Variants in CSMD2 observed in about 807,000 individuals in gnomAD.
CSMD2 encodes CUB and Sushi multiple domains 2, also known as CUB and sushi domain-containing protein 2.
A neutral mutation model predicts 398.5 loss-of-function variants in CSMD2; 130 were observed. The observed-to-expected ratio is 0.33, with a 90% CI of 0.28 to 0.38. CSMD2 has a LOEUF of 0.38. Ranked by LOEUF, CSMD2 falls within the 10% of genes least tolerant of loss-of-function variation. The probability of loss-of-function intolerance (pLI) is 1.00; values close to 1 mark genes in which losing one functional copy is unlikely to be tolerated. For missense variants in CSMD2, 3,829 were observed against 4,764.9 expected (o/e 0.80, Z 5.78); for synonymous variants, 1,828 against 1,908.5 (o/e 0.96, Z 1.10).
intron 53 of CSMD2, among the ~76,000 whole-genome samples, chr1:33,562,733 A>C (rs1227433950): frequency 6.6e-6 from 1 of 152,202 alleles, no homozygotes; most frequent in Non-Finnish European, 1.5e-5. Flanking sequence ...AGTGAAATAG[A>C]TTATGAGGCC....
At chr1:34,031,011 G>A (rs1297545657) in intron 3 of CSMD2, among the ~76,000 whole-genome samples, 1 of 152,130 alleles carries the variant, frequency 6.6e-6, no homozygotes, top group Non-Finnish European at 1.5e-5. Flanking sequence ...CAAACTTGGA[G>A]AGAATTACTT....
At chr1:33,669,852 T>G (rs1192951440) in intron 25 of CSMD2, among the ~76,000 whole-genome samples, 2 of 152,108 alleles carry the variant, frequency 1.3e-5, no homozygotes, top group Non-Finnish European at 2.9e-5. Flanking sequence ...GGAGACCATG[T>G]GATGGAGGCA....
intron 57 of CSMD2, among the ~76,000 whole-genome samples, chr1:33,544,280 T>A (rs1432452564): frequency 6.6e-6 from 1 of 150,720 alleles, no homozygotes; most frequent in Non-Finnish European, 1.5e-5. Flanking sequence ...CTAATTTTTT[T>A]TTTTTTTTTT....
rs1414792580 is a variant in CSMD2 at position 33,663,080 on chromosome 1, C to T, written c.4065G>A (p.Leu1355=). ...EAGCTIGLHF[L]VFDTEEVHDV... ...CGTGAACCTCCTCTGTGTCAAACAC[C>T]AGGAAGTGTAGCCTGCACGGAGAGA... Residue 1355 remains leucine (L), a synonymous_variant, in exon 26 of 71, where the codon CTG becomes CTA. Transcript: ENST00000373381. 3 of 1,613,960 alleles carry T rather than the reference C, an allele frequency of 1.9e-6. No individual in the cohort carries two copies. Among genetic ancestry groups the T allele is most frequent in the African/African-American group, 1.3e-5 (1 of 75,028 alleles).
rs201761742 is a variant in CSMD2, at chr1:34,094,408, C to A, written c.188-5215G>T. On this transcript the variant is annotated intron_variant, in intron 1 of 70. Transcript: ENST00000373381. ...GACAGGATCAAATTCACACATAACA[C>A]TATTAACTTTAAATGTAAATGGACT... Among the ~76,000 whole-genome samples, 736 of 151,514 alleles carry A rather than the reference C, an allele frequency of 4.9e-3. 2 individuals carry two copies. The highest frequency in any genetic ancestry group is 0.044 in the East Asian group (224 of 5,066).
chr1:34,145,277 C>T (rs986175750), intron 1 of CSMD2, among the ~76,000 whole-genome samples: 1 of 152,180 alleles, frequency 6.6e-6, no homozygotes, highest in African/African-American at 2.4e-5. Context: ...CAACTCAGAC[C>T]ACATATGGGG....
At chr1:34,103,419 C>G (rs1660200202) in intron 1 of CSMD2, among the ~76,000 whole-genome samples, 1 of 151,698 alleles carries the variant, frequency 6.6e-6, no homozygotes, top group African/African-American at 2.4e-5. Context: ...CTGCCTCAGC[C>G]TCCTGAGTAG....
chr1:34,142,612 G>T (rs1284777770), intron 1 of CSMD2, among the ~76,000 whole-genome samples: 1 of 152,226 alleles, frequency 6.6e-6, no homozygotes, highest in African/African-American at 2.4e-5. Context: ...GCATGAAATT[G>T]TATCAGGAAT....
chr1:33,595,558 C>T (rs538534997), intron 44 of CSMD2, among the ~76,000 whole-genome samples: 25 of 152,218 alleles, frequency 1.6e-4, no homozygotes, highest in Non-Finnish European at 2.5e-4. Flanking sequence ...TTAATGTCTG[C>T]GTGGATATAC....
At chr1:33,609,643 T>A (rs1640864822) in intron 41 of CSMD2, among the ~76,000 whole-genome samples, 1 of 152,184 alleles carries the variant, frequency 6.6e-6, no homozygotes, top group African/African-American at 2.4e-5. Context: ...AAGATAAATA[T>A]GTTTGTAAAT....
At chr1:34,026,425 T>C (rs2148131066) in intron 3 of CSMD2, among the ~76,000 whole-genome samples, 1 of 152,314 alleles carries the variant, frequency 6.6e-6, no homozygotes. Flanking sequence ...GCCTATAGTT[T>C]GATAGTGAGA....
At chr1:33,828,537 G>A (rs1424036584) in intron 6 of CSMD2, among the ~76,000 whole-genome samples, 2 of 152,182 alleles carry the variant, frequency 1.3e-5, no homozygotes. Context: ...CTAGAGGAAG[G>A]GGAATGAGGA....
intron 8 of CSMD2, 116 bp from the exon 9 acceptor site, chr1:33,819,953 C>A: frequency 1.6e-6 from 2 of 1,285,240 alleles, no homozygotes; most frequent in Non-Finnish European, 1.1e-6. Context: ...GGCCCTTAAT[C>A]TCTGCTCCAC....
At position 33,777,072 on chromosome 1, in the gene CSMD2, T is replaced by C. The variant is rs116608642; in HGVS notation, c.1664-4321A>G. ...TGTCAGAGCTGAAGACAGCATAAGG[T>C]CAAAGGGGAAGGGGTTTACACGTGG... On this transcript the variant is annotated intron_variant, in intron 12 of 70. Transcript: ENST00000373381. 3.1e-3 allele frequency among the ~76,000 whole-genome samples: 464 copies of C among 151,522 alleles called. 4 individuals are homozygous for C. Among genetic ancestry groups the C allele is most frequent in the African/African-American group, 0.011 (442 of 41,238 alleles).
intron 5 of CSMD2, among the ~76,000 whole-genome samples, chr1:33,854,744 G>C (rs1238432090): frequency 6.6e-6 from 1 of 152,196 alleles, no homozygotes; most frequent in African/African-American, 2.4e-5. Flanking sequence ...CTAATTGTTA[G>C]CTCCAGGGAA....
chr1:34,129,014 C>CA (rs1553325911), intron 1 of CSMD2, among the ~76,000 whole-genome samples: 1 of 138,472 alleles, frequency 7.2e-6, no homozygotes, highest in African/African-American at 2.8e-5. Context: ...CCCCCCCCCA[C>CA]ACACACACAC....
intron 43 of CSMD2, among the ~76,000 whole-genome samples, chr1:33,601,889 A>G (rs1640247554): frequency 6.6e-6 from 1 of 152,216 alleles, no homozygotes; most frequent in African/African-American, 2.4e-5. Context: ...TGGCTACCAT[A>G]TTGGGCAGCA....
chr1:33,765,459 C>T (rs1489272944), intron 13 of CSMD2, among the ~76,000 whole-genome samples: 1 of 152,012 alleles, frequency 6.6e-6, no homozygotes, highest in African/African-American at 2.4e-5. Flanking sequence ...AATTCATTTC[C>T]CTCAAATCAA....
intron 1 of CSMD2, among the ~76,000 whole-genome samples, chr1:34,143,830 A>T (rs1639525234): frequency 6.6e-6 from 1 of 152,162 alleles, no homozygotes; most frequent in Non-Finnish European, 1.5e-5. Flanking sequence ...TTGTCTGCAA[A>T]GCAAATGTGT....
Sources: allele counts gnomAD v4.1 joint callset (sites outside exome capture counted in the v4.1 genomes callset), GRCh38; gene constraint gnomAD v4.1.1; transcripts MANE v1.5; gene names NCBI Gene and HGNC (gene_info 2026-07-23, HGNC 2026-07-21).